Variants in ANKRD34C observed in about 807,000 individuals in gnomAD.
ANKRD34C encodes ankyrin repeat domain-containing protein 34C.
For missense variants in ANKRD34C, 563 were observed against 653.0 expected (o/e 0.86, Z 1.50); for synonymous variants, 260 against 253.6 (o/e 1.03, Z -0.24).
At chr15:79,288,449 T>G (rs1476429832) in intron 1 of ANKRD34C, among the ~76,000 whole-genome samples, 1 of 152,248 alleles carries the variant, frequency 6.6e-6, no homozygotes, top group Non-Finnish European at 1.5e-5. Flanking sequence ...TCCCATCCTC[T>G]ATTTTCTATT....
At chr15:79,290,495 AGGGGCTGGCT>A (rs901754629) in intron 1 of ANKRD34C, among the ~76,000 whole-genome samples, 33 of 151,986 alleles carry the variant, frequency 2.2e-4, no homozygotes, top group South Asian at 1.0e-3. Flanking sequence ...GCAATCCTCT[AGGGGCTGGCT>A]GGGGCTGGCT....
rs181077022 is a variant in ANKRD34C, at chr15:79,296,100, C to T, written c.*1208C>T. 1.2e-5 allele frequency: 2 copies of T among 167,186 alleles called. No homozygotes were observed. Among genetic ancestry groups the T allele is most frequent in the South Asian group, 2.1e-4 (1 of 4,814 alleles). The allele number at this position is 167,186 out of a possible 1,614,324, so 10.4% of individuals were successfully genotyped here. On this transcript the variant is annotated 3_prime_UTR_variant, in exon 2 of 2. Transcript: ENST00000421388. ...TTGGTTATTTCCATTTATGTTTCCT[C>T]TCGTGCTGCTGAGATCTATTTGCTC...
intron 1 of ANKRD34C, among the ~76,000 whole-genome samples, chr15:79,289,601 G>A (rs999131347): frequency 3.3e-5 from 5 of 152,140 alleles, no homozygotes; most frequent in South Asian, 2.1e-4. Context: ...CTTTGAGCTA[G>A]ACTAGAGGTA....
In ANKRD34C at chr15:79,293,997, A is replaced by G. The variant is rs1028516521; in HGVS notation, c.713A>G (p.Asn238Ser). Residue 238 changes from asparagine (N) to serine (S), a missense_variant, in exon 2 of 2, where the codon AAT becomes AGT. Coordinates refer to ENST00000421388, the MANE Select transcript of ANKRD34C (RefSeq NM_001146341.2). ...EPGSPTRKVS[N>S]LKRARLPQLK... ...GGGTCACCCACCAGGAAAGTCAGTA[A>G]TCTCAAAAGGGCCCGTTTGCCTCAA... The G allele has an allele frequency of 6.4e-6, 10 of 1,551,678 alleles. No individual in the cohort carries two copies. Among genetic ancestry groups the G allele is most frequent in the Non-Finnish European group, 8.7e-6 (10 of 1,146,990 alleles).
chr15:79,287,701 C>T (rs981068355), intron 1 of ANKRD34C, among the ~76,000 whole-genome samples: 1 of 152,218 alleles, frequency 6.6e-6, no homozygotes, highest in Middle Eastern at 3.2e-3. Flanking sequence ...GCTTCTAAGT[C>T]GTTCATGGAC....
At position 79,293,852 on chromosome 15, in the gene ANKRD34C, G is replaced by A; in HGVS notation, c.568G>A (p.Asp190Asn). The change falls in exon 2 of 2, where the codon GAC (aspartate) becomes AAC (asparagine). Residue 190 changes from aspartate to asparagine, a missense_variant. Coordinates refer to ENST00000421388, the MANE Select transcript of ANKRD34C (RefSeq NM_001146341.2). ...HSPPLCASPS[D>N]IELKALGLDS... ...ACCTCCACTGTGTGCGTCTCCCTCT[G>A]ACATAGAGCTGAAGGCTCTAGGCCT... The A allele has an allele frequency of 6.4e-7, 1 of 1,551,706 alleles. No homozygotes were observed. The highest frequency in any genetic ancestry group is 8.7e-7 in the Non-Finnish European group (1 of 1,146,984).
chr15:79,295,115 G>A lies in ANKRD34C; in HGVS notation c.*223G>A, dbSNP rs1004169822. 11 of 528,092 alleles carry A rather than the reference G, an allele frequency of 2.1e-5. No individual in the cohort carries two copies. The highest frequency in any genetic ancestry group is 3.0e-5 in the Non-Finnish European group (9 of 302,592). 32.7% of individuals were successfully genotyped at this position (528,092 alleles called of 1,614,324 possible). A position where few individuals can be genotyped will look rare whatever the true frequency, so the allele number is the denominator to read the frequency against. ...GATAAATTTTTAAAAATTCTGCAAA[G>A]GAAGAAAGCCTTTGGAATTTGAAGG... On this transcript the variant is annotated 3_prime_UTR_variant, in exon 2 of 2. Coordinates refer to ENST00000421388, the MANE Select transcript of ANKRD34C (RefSeq NM_001146341.2).
In ANKRD34C at chr15:79,294,480, G is replaced by A; in HGVS notation, c.1196G>A (p.Gly399Asp). The A allele has an allele frequency of 6.4e-7, 1 of 1,551,612 alleles. No homozygotes were observed. Among genetic ancestry groups the A allele is most frequent in the Non-Finnish European group, 8.7e-7 (1 of 1,146,980 alleles). The change falls in exon 2 of 2, where the codon GGC becomes GAC. Residue 399 changes from glycine to aspartate, a missense_variant. Transcript: ENST00000421388. ...CCCAACTCCATTTCCCTTGAATCCG[G>A]CAAAGGACCTTTAGATAGAAAGAAG... is the stretch of plus-strand genomic sequence containing the variant. ...DPPNSISLES[G>D]KGPLDRKKLN...
In ANKRD34C at chr15:79,294,070, G is replaced by C; in HGVS notation, c.786G>C (p.Val262=). The C allele has an allele frequency of 2.6e-6, 4 of 1,551,624 alleles. No individual in the cohort carries two copies. The highest frequency in any genetic ancestry group is 2.6e-6 in the Non-Finnish European group (3 of 1,147,004). ...CTTGGGGCCTGATAGCGCCCTCGGTGCTGGCAGCCTCGACGCGTCAGGATG... is the reference window on the plus strand; with the variant it reads ...CTTGGGGCCTGATAGCGCCCTCGGTCCTGGCAGCCTCGACGCGTCAGGATG... ...SEPWGLIAPS[V]LAASTRQDET... The change falls in exon 2 of 2, where the codon GTG becomes GTC. Residue 262 remains valine (V), a synonymous_variant. Transcript: ENST00000421388.
chr15:79,295,014 C>A lies in ANKRD34C; in HGVS notation c.*122C>A, dbSNP rs1596041128. The A allele has an allele frequency of 9.3e-7, 1 of 1,080,976 alleles. No homozygotes were observed. The highest frequency in any genetic ancestry group is 2.6e-5 in the East Asian group (1 of 37,846). The allele number at this position is 1,080,976 out of a possible 1,614,324, so 67.0% of individuals were successfully genotyped here. A position where few individuals can be genotyped will look rare whatever the true frequency, so the allele number is the denominator to read the frequency against. On this transcript the variant is annotated 3_prime_UTR_variant, in exon 2 of 2. Transcript: ENST00000421388. ...CTTCAGAAGATATAAAAGCAGGATG[C>A]TGCTTCACTTCTGAGAATAATCCCT...
At chr15:79,292,479 A>G (rs576887049) in intron 1 of ANKRD34C, among the ~76,000 whole-genome samples, 2 of 152,318 alleles carry the variant, frequency 1.3e-5, no homozygotes, top group East Asian at 3.9e-4. Flanking sequence ...CTATCAGTTC[A>G]ACCAGAGGGA....
rs2058665620 is a variant in ANKRD34C, at chr15:79,293,867, G to C, written c.583G>C (p.Ala195Pro). Residue 195 changes from alanine to proline, a missense_variant, in exon 2 of 2, where the codon GCT (alanine) becomes CCT (proline). By Grantham distance (27) the Ala-to-Pro change is conservative (BLOSUM62 -1). Transcript: ENST00000421388. ...GTCTCCCTCTGACATAGAGCTGAAG[G>C]CTCTAGGCCTGGACTCTCCACTCAC... ...CASPSDIELK[A>P]LGLDSPLTEK... is the part of the protein sequence containing the mutation. The C allele has an allele frequency of 1.9e-6, 3 of 1,551,532 alleles. No homozygotes were observed. The highest frequency in any genetic ancestry group is 2.6e-6 in the Non-Finnish European group (3 of 1,146,992).
intron 1 of ANKRD34C, among the ~76,000 whole-genome samples, chr15:79,291,005 T>C (rs2058657594): frequency 1.3e-5 from 2 of 152,242 alleles, no homozygotes; most frequent in Admixed American, 1.3e-4. Flanking sequence ...TATCTTTTTA[T>C]GTGCTTATTG....
chr15:79,290,480 C>T lies in ANKRD34C; in HGVS notation c.-44-2761C>T, dbSNP rs969386152. Among the ~76,000 whole-genome samples the T allele has an allele frequency of 1.6e-4, 24 of 152,156 alleles. 1 individual carries two copies. The highest frequency in any genetic ancestry group is 5.3e-4 in the African/African-American group (22 of 41,430). ...CTAGTCTCACCTGGGTTCTCTAATG[C>T]AATTGCAATCCTCTAGGGGCTGGCT... On this transcript the variant is annotated intron_variant, in intron 1 of 1. Transcript: ENST00000421388.
chr15:79,291,558 T>TCACACA (rs138141895), intron 1 of ANKRD34C, among the ~76,000 whole-genome samples: 2,829 of 50,276 alleles, frequency 0.056, 70 homozygotes, highest in Non-Finnish European at 0.073. Flanking sequence ...GAAAGACCAT[T>TCACACA]CACACACACA....
chr15:79,293,833 A>G lies in ANKRD34C; in HGVS notation c.549A>G (p.Pro183=), dbSNP rs753768376. ...AAGTAGAAGACAGGCATTCACCTCC[A>G]CTGTGTGCGTCTCCCTCTGACATAG... ...SPKVEDRHSP[P]LCASPSDIEL... Residue 183 remains proline (P), a synonymous_variant, in exon 2 of 2, where the codon CCA becomes CCG. Transcript: ENST00000421388. 1.8e-5 allele frequency: 28 copies of G among 1,551,536 alleles called. No individual in the cohort carries two copies. The South Asian group carries it at 3.3e-4, about 18-fold the overall frequency.
chr15:79,292,034 C>T (rs1425276493), intron 1 of ANKRD34C, among the ~76,000 whole-genome samples: 2 of 152,180 alleles, frequency 1.3e-5, no homozygotes, highest in Admixed American at 1.3e-4. Flanking sequence ...AAGCTTTTGC[C>T]TTCCAACTAA....
rs1476265678 is a variant in ANKRD34C at position 79,297,751 on chromosome 15, A to AAT, written c.*2860_*2861dup. Reference sequence around the variant, plus strand: ...TGTCCATGTCAATGAACCTAACAAGAATGCTTTTTAAAAGTATATTTTAGA... The same window carrying AAT: ...TGTCCATGTCAATGAACCTAACAAGAATATGCTTTTTAAAAGTATATTTTAGA... On this transcript the variant is annotated 3_prime_UTR_variant, in exon 2 of 2. Transcript: ENST00000421388. 1 of 167,014 alleles carries AAT rather than the reference A, an allele frequency of 6.0e-6. No individual in the cohort carries two copies. The highest frequency in any genetic ancestry group is 1.5e-5 in the Non-Finnish European group (1 of 68,130). The allele number at this position is 167,014 out of a possible 1,614,324, so 10.3% of individuals were successfully genotyped here.
In ANKRD34C at chr15:79,293,828, C is replaced by T; in HGVS notation, c.544C>T (p.Pro182Ser). 1 of 1,551,746 alleles carries T rather than the reference C, an allele frequency of 6.4e-7. No individual in the cohort carries two copies. Among genetic ancestry groups the T allele is most frequent in the Non-Finnish European group, 8.7e-7 (1 of 1,147,000 alleles). ...ACCCAAAGTAGAAGACAGGCATTCA[C>T]CTCCACTGTGTGCGTCTCCCTCTGA... ...PSPKVEDRHS[P>S]PLCASPSDIE... Residue 182 changes from proline to serine, a missense_variant, in exon 2 of 2, where the codon CCT (proline) becomes TCT (serine). Physicochemically the swap from Pro to Ser is moderately conservative, Grantham distance 74. Coordinates refer to ENST00000421388, the MANE Select transcript of ANKRD34C (RefSeq NM_001146341.2).
Sources: gnomAD v4.1 joint callset for allele counts (sites outside exome capture counted in the v4.1 genomes callset) on GRCh38, gnomAD v4.1.1 for gene constraint, MANE v1.5 for transcripts, NCBI Gene and HGNC (gene_info 2026-07-23, HGNC 2026-07-21) for gene names.